CPXM2: variants seen among roughly 807,000 people sequenced by gnomAD.
CPXM2 encodes the protein inactive carboxypeptidase-like protein X2.
Under a neutral mutation model 86.1 loss-of-function variants are expected in CPXM2, and 66 were observed. The observed-to-expected ratio is 0.77, with a 90% CI of 0.63 to 0.94. The LOEUF (loss-of-function observed/expected upper bound fraction) is 0.94, where lower values mean the gene tolerates loss of function less well. CPXM2 is among the 40% of genes least tolerant of loss of function. The pLI is 0.00. For synonymous variants in CPXM2, 388 were observed against 400.2 expected, an observed-to-expected ratio of 0.97 and a Z score of 0.36; for missense variants, 948 against 1,026.3, an observed-to-expected ratio of 0.92 and a Z score of 1.04.
In CPXM2 at chr10:123,746,891, TCA is replaced by T. The variant is rs1039725030; in HGVS notation, c.2142_2143del (p.Cys714Ter). The T allele has an allele frequency of 1.9e-6, 3 of 1,614,046 alleles. No homozygotes were observed. The highest frequency in any genetic ancestry group is 2.5e-6 in the Non-Finnish European group (3 of 1,180,042). On this transcript the variant is annotated stop_gained and frameshift_variant, in exon 14 of 14. Coordinates refer to ENST00000241305, the MANE Select transcript of CPXM2 (RefSeq NM_198148.3). LOFTEE classifies it high-confidence loss of function. ...CATGTTGGTTTTGCTAAGTGTGAAG[TCA>T]CACCTTGTGGCCCCCATGTCATAGC...
At chr10:123,783,030 CCAA>C (rs1382910373) in intron 6 of CPXM2, among the ~76,000 whole-genome samples, 12 of 152,354 alleles carry the variant, frequency 7.9e-5, no homozygotes, top group African/African-American at 2.6e-4. Context: ...CCCACCAGCT[CCAA>C]GACAGTTTAC....
At chr10:123,881,477 T>C (rs1022692519) in intron 1 of CPXM2, among the ~76,000 whole-genome samples, 1 of 151,490 alleles carries the variant, frequency 6.6e-6, no homozygotes, top group African/African-American at 2.4e-5. Flanking sequence ...GGAAGCAGGA[T>C]GGGGTGAGGA....
chr10:123,885,029 AC>A lies in CPXM2; in HGVS notation c.305-4721del, dbSNP rs1409972246. ...AGACACTGTGCAGGGAGCTGTTGGT[AC>A]CTGCCAGTCTCATCTTAGATTCCAC... On this transcript the variant is annotated intron_variant, in intron 1 of 13. Coordinates refer to ENST00000241305, the MANE Select transcript of CPXM2 (RefSeq NM_198148.3). The surrounding 1 kb of genome is among the most constrained non-coding windows in gnomAD (Gnocchi z 4.0). 6.6e-6 allele frequency among the ~76,000 whole-genome samples: 1 copy of A among 152,184 alleles called. No individual in the cohort carries two copies. The highest frequency in any genetic ancestry group is 1.5e-5 in the Non-Finnish European group (1 of 68,020).
chr10:123,803,794 T>C (rs1297367671), intron 4 of CPXM2, among the ~76,000 whole-genome samples: 1 of 152,138 alleles, frequency 6.6e-6, no homozygotes, highest in Non-Finnish European at 1.5e-5. Flanking sequence ...CCTAAGTATC[T>C]GGGACTACAG....
At chr10:123,911,874 C>G (rs1175670703) in intron 2 of CPXM2, among the ~76,000 whole-genome samples, 4 of 152,058 alleles carry the variant, frequency 2.6e-5, no homozygotes, top group Non-Finnish European at 5.9e-5. Context: ...GCAGCAACCT[C>G]AATTCTTGCC....
intron 3 of CPXM2, among the ~76,000 whole-genome samples, chr10:123,857,226 G>C (rs1290917559): frequency 2.0e-5 from 3 of 151,754 alleles, no homozygotes; most frequent in African/African-American, 7.3e-5. Flanking sequence ...AATTCTACTT[G>C]AAAAAAAGGA....
intron 3 of CPXM2, among the ~76,000 whole-genome samples, chr10:123,859,333 AC>A (rs1254742716): frequency 6.6e-6 from 1 of 152,230 alleles, no homozygotes; most frequent in Non-Finnish European, 1.5e-5. Flanking sequence ...TTAATTATGC[AC>A]CTGTGACAGT....
intron 2 of CPXM2, among the ~76,000 whole-genome samples, chr10:123,919,625 G>C (rs1162613426): frequency 6.6e-6 from 1 of 152,206 alleles, no homozygotes; most frequent in Non-Finnish European, 1.5e-5. Flanking sequence ...TTTTTTGAAA[G>C]TCCCTAGAGA....
upstream of CPXM2, among the ~76,000 whole-genome samples, chr10:123,895,109 T>C (rs1330626558): frequency 8.6e-6 from 1 of 116,240 alleles, no homozygotes; most frequent in Non-Finnish European, 1.9e-5. Flanking sequence ...TTCTTTTTTT[T>C]TTCTTTTTTT....
At chr10:123,846,628 T>A (rs1195332288) in intron 3 of CPXM2, among the ~76,000 whole-genome samples, 1 of 152,074 alleles carries the variant, frequency 6.6e-6, no homozygotes, top group East Asian at 1.9e-4. Flanking sequence ...GGCAGAACAC[T>A]ACAGAGAGGA....
intron 6 of CPXM2, among the ~76,000 whole-genome samples, chr10:123,781,843 C>A (rs1846942006): frequency 6.6e-6 from 1 of 152,232 alleles, no homozygotes; most frequent in South Asian, 2.1e-4. Context: ...ATCAACTGAG[C>A]CAGCCCTGTG....
chr10:123,833,952 A>C (rs1401279545), intron 4 of CPXM2, among the ~76,000 whole-genome samples: 1 of 152,216 alleles, frequency 6.6e-6, no homozygotes, highest in African/African-American at 2.4e-5. Flanking sequence ...GGACAATCTT[A>C]ACTGCTTGAT....
At chr10:123,932,114 T>A (rs977988875) in intron 2 of CPXM2, among the ~76,000 whole-genome samples, 3 of 152,084 alleles carry the variant, frequency 2.0e-5, no homozygotes. Flanking sequence ...GTCAGCTACA[T>A]CTTCAAGCAA....
At chr10:123,774,302 G>T (rs1846728105) in intron 7 of CPXM2, among the ~76,000 whole-genome samples, 1 of 152,228 alleles carries the variant, frequency 6.6e-6, no homozygotes, top group Admixed American at 6.5e-5. Context: ...CAGCGGGGTG[G>T]CGTGGAACTG....
intron 7 of CPXM2, among the ~76,000 whole-genome samples, chr10:123,775,287 T>A (rs916283037): frequency 2.8e-4 from 42 of 152,362 alleles, no homozygotes; most frequent in Non-Finnish European, 8.8e-5. Flanking sequence ...GATGCAGTCA[T>A]TCTCAGCCAA....
chr10:123,749,235 G>C (rs1249422383), intron 13 of CPXM2, among the ~76,000 whole-genome samples: 3 of 152,104 alleles, frequency 2.0e-5, no homozygotes, highest in Admixed American at 6.6e-5. Flanking sequence ...ACCTCTCAGT[G>C]GGAGCACCTG....
chr10:123,800,686 G>A (rs550999076), intron 4 of CPXM2, among the ~76,000 whole-genome samples: 2 of 151,944 alleles, frequency 1.3e-5, no homozygotes, highest in Non-Finnish European at 2.9e-5. Context: ...AAGACAATAA[G>A]AGGGGAGTAA....
At chr10:123,798,166 C>T (rs1219303595) in intron 5 of CPXM2, 40 bp from the exon 6 acceptor site, 1 of 1,526,238 alleles carries the variant, frequency 6.6e-7, no homozygotes, top group South Asian at 1.3e-5. Flanking sequence ...TCTTTTAGTG[C>T]TTAATTACCA....
At chr10:123,805,361 GCA>G (rs1847555847) in intron 4 of CPXM2, among the ~76,000 whole-genome samples, 1 of 151,840 alleles carries the variant, frequency 6.6e-6, no homozygotes. Context: ...TTCCCTCTGA[GCA>G]CTCTTTAGTT....
Sources: gnomAD v4.1 joint callset for allele counts (sites outside exome capture counted in the v4.1 genomes callset) on GRCh38, gnomAD v4.1.1 for gene constraint, Gnocchi (gnomAD v3.1) non-coding constraint, MANE v1.5 for transcripts, NCBI Gene and HGNC (gene_info 2026-07-23, HGNC 2026-07-21) for gene names.